TENM2: variants seen among roughly 807,000 people sequenced by gnomAD.
TENM2 encodes the protein teneurin transmembrane protein 2.
A neutral mutation model predicts 245.2 loss-of-function variants in TENM2; 52 were observed. The observed-to-expected ratio is 0.21, with a 90% CI of 0.17 to 0.27. The LOEUF is 0.27. Among genes scored for constraint, TENM2 ranks in the 10% least tolerant of loss-of-function variants. The pLI, the probability that TENM2 is intolerant of heterozygous loss-of-function variation, is 1.00. For missense variants in TENM2, 3,046 were observed against 3,666.8 expected (o/e 0.83, Z 4.37); for synonymous variants, 1,363 against 1,438.9 (o/e 0.95, Z 1.19).
rs115584988 is a variant in TENM2 at position 167,583,716 on chromosome 5, G to A, written c.502+208243G>A. ...ATATGCTGTGTTTCCTGTCCTCAAG[G>A]GGTTCACAGTGTTAACTGGATGCTC... On this transcript the variant is annotated intron_variant, in intron 2 of 28. Coordinates refer to ENST00000518659, the Ensembl canonical transcript of TENM2. Among the ~76,000 whole-genome samples, 493 of 152,140 alleles carry A rather than the reference G, an allele frequency of 3.2e-3. 4 individuals are homozygous for A. Among genetic ancestry groups the A allele is most frequent in the Admixed American group, 0.015 (227 of 15,280 alleles).
At chr5:167,442,028 A>AAAAAG (rs1231094357) in intron 2 of TENM2, among the ~76,000 whole-genome samples, 1 of 152,216 alleles carries the variant, frequency 6.6e-6, no homozygotes, top group South Asian at 2.1e-4. Flanking sequence ...GAGAAATTTT[A>AAAAAG]AAAAGAAAAG....
chr5:167,527,939 CTAGAG>C (rs1771232949), intron 2 of TENM2, among the ~76,000 whole-genome samples: 1 of 152,084 alleles, frequency 6.6e-6, no homozygotes, highest in Non-Finnish European at 1.5e-5. Context: ...TCTGAAGCCT[CTAGAG>C]AAATTCCATC....
chr5:167,530,060 T>C (rs533501060), intron 2 of TENM2, among the ~76,000 whole-genome samples: 188 of 152,318 alleles, frequency 1.2e-3, no homozygotes, highest in African/African-American at 4.3e-3. Context: ...CCCAAAGCAG[T>C]GCTGCTCAAA....
chr5:168,077,870 T>G (rs1791622401), intron 7 of TENM2, among the ~76,000 whole-genome samples: 1 of 152,198 alleles, frequency 6.6e-6, no homozygotes, highest in African/African-American at 2.4e-5. Flanking sequence ...CTATTGTGAA[T>G]AGTGCTGCAG....
chr5:167,844,497 C>T (rs1769848851), intron 2 of TENM2, among the ~76,000 whole-genome samples: 1 of 152,164 alleles, frequency 6.6e-6, no homozygotes, highest in Admixed American at 6.5e-5. Context: ...CCTAATTGTG[C>T]AAACAAAGTT....
chr5:167,127,595 C>T, the TENM2 span, among the ~76,000 whole-genome samples: 2 of 148,604 alleles, frequency 1.3e-5, no homozygotes, highest in Admixed American at 6.7e-5. Context: ...AAAGGAAAGC[C>T]CTGCCTTTAG....
At chr5:168,158,852 C>A (rs181817745) in intron 12 of TENM2, among the ~76,000 whole-genome samples, 1 of 65,758 alleles carries the variant, frequency 1.5e-5, no homozygotes, top group African/African-American at 5.4e-5. Flanking sequence ...TATATATATA[C>A]ACACACACAC....
chr5:167,917,753 T>C (rs1777058958), intron 3 of TENM2, among the ~76,000 whole-genome samples: 1 of 152,090 alleles, frequency 6.6e-6, no homozygotes, highest in South Asian at 2.1e-4. Context: ...CTGAAAGGGG[T>C]CTCACACTTG....
intron 2 of TENM2, among the ~76,000 whole-genome samples, chr5:167,408,045 C>A (rs1280187320): frequency 1.3e-5 from 2 of 152,140 alleles, no homozygotes; most frequent in Non-Finnish European, 2.9e-5. Flanking sequence ...GGGGAAATAT[C>A]TAAACTCCAT....
chr5:167,906,019 C>T (rs1344778157), intron 3 of TENM2, among the ~76,000 whole-genome samples: 1 of 152,084 alleles, frequency 6.6e-6, no homozygotes, highest in African/African-American at 2.4e-5. Context: ...TTTCATCTAG[C>T]TTTTCTATAA....
intron 3 of TENM2, among the ~76,000 whole-genome samples, chr5:167,929,120 AGAAAGAAAGAAAAGAAAGAAG>A (rs1295535217): frequency 7.3e-6 from 1 of 137,862 alleles, no homozygotes; most frequent in East Asian, 2.5e-4. Flanking sequence ...AAAGAAAGAA[AGAAAGAAAGAAAAGAAAGAAG>A]GGAGGGAGGG....
chr5:167,401,336 C>A (rs1762357473), intron 2 of TENM2, among the ~76,000 whole-genome samples: 1 of 152,034 alleles, frequency 6.6e-6, no homozygotes, highest in African/African-American at 2.4e-5. Flanking sequence ...TCCAGGAGGA[C>A]CTTGATCCAG....
intron 2 of TENM2, among the ~76,000 whole-genome samples, chr5:167,754,376 A>T (rs1448278006): frequency 6.6e-6 from 1 of 152,206 alleles, no homozygotes. Context: ...CAGGTGCTTT[A>T]AAATAATTTC....
chr5:167,627,899 A>G (rs1364527634), intron 2 of TENM2, among the ~76,000 whole-genome samples: 2 of 152,228 alleles, frequency 1.3e-5, no homozygotes, highest in East Asian at 1.9e-4. Flanking sequence ...AGTTACATAC[A>G]GAGAGATCCA....
intron 13 of TENM2, among the ~76,000 whole-genome samples, chr5:168,174,220 G>A (rs1759125655): frequency 6.6e-6 from 1 of 152,094 alleles, no homozygotes; most frequent in African/African-American, 2.4e-5. Flanking sequence ...TTGTTGTGTT[G>A]CCTCCATTGC....
At chr5:168,150,392 G>A (rs1756537078) in intron 12 of TENM2, among the ~76,000 whole-genome samples, 1 of 152,188 alleles carries the variant, frequency 6.6e-6, no homozygotes, top group Non-Finnish European at 1.5e-5. Context: ...TTAGGGACAG[G>A]GCAGGAGACA....
chr5:168,199,777 G>A, intron 16 of TENM2, 87 bp from the exon 19 acceptor site: 1 of 1,421,418 alleles, frequency 7.0e-7, no homozygotes, highest in Non-Finnish European at 9.6e-7. Context: ...CCTCAGTGAG[G>A]GACATAGCAG....
At chr5:167,019,142 A>AT in the TENM2 span, among the ~76,000 whole-genome samples, 23 of 151,826 alleles carry the variant, frequency 1.5e-4, no homozygotes, top group African/African-American at 4.6e-4. Flanking sequence ...TAGATAAGGA[A>AT]TTTTTTTTTA....
chr5:168,263,056 G>C, downstream of TENM2: 2 of 452,674 alleles, frequency 4.4e-6, no homozygotes, highest in East Asian at 3.3e-5. Flanking sequence ...TGAATGAACA[G>C]ACACACACAA....
Sources: gnomAD v4.1 joint callset for allele counts (sites outside exome capture counted in the v4.1 genomes callset) on GRCh38, gnomAD v4.1.1 for gene constraint, MANE v1.5 for transcripts, NCBI Gene and HGNC (gene_info 2026-07-23, HGNC 2026-07-21) for gene names.